The following CCND1 variants were observed in gnomAD, a reference collection of about 807,000 sequenced individuals.
The protein encoded by CCND1 is cyclin D1.
CCND1 carries 9 observed loss-of-function variants against 26.1 expected under a neutral mutation model. The observed-to-expected ratio is 0.35, with a 90% CI of 0.21 to 0.60. CCND1 has a LOEUF of 0.60. Ranked by LOEUF, CCND1 falls within the 20% of genes least tolerant of loss-of-function variation. The pLI is 0.79. For synonymous variants in CCND1, 194 were observed against 166.1 expected, an observed-to-expected ratio of 1.17 and a Z score of -1.29; for missense variants, 335 against 392.9, an observed-to-expected ratio of 0.85 and a Z score of 1.25.
chr11:69,654,304 G>A lies in CCND1; in HGVS notation c.*3022G>A, dbSNP rs182540344. 1.3e-4 allele frequency: 92 copies of A among 702,612 alleles called. 1 individual carries two copies. The highest frequency in any genetic ancestry group is 9.2e-4 in the Admixed American group (46 of 50,022). The allele number at this position is 702,612 out of a possible 1,614,324, so 43.5% of individuals were successfully genotyped here. A position where few individuals can be genotyped will look rare whatever the true frequency, so the allele number is the denominator to read the frequency against. ...TGGTGGCAAGTGCACGGGGCACAGC[G>A]GAGTCTGTCCTGTGACGCGCAAGTC... On this transcript the variant is annotated 3_prime_UTR_variant, in exon 5 of 5. Transcript: ENST00000227507. The surrounding 1 kb of genome is among the most constrained non-coding windows in gnomAD (Gnocchi z 6.3).
At chr11:69,644,245 G>A (rs3212866) in intron 3 of CCND1, 7,713 of 531,580 alleles carry the variant, frequency 0.015, 470 homozygotes, top group African/African-American at 0.13. Context: ...CAGCCTGCCT[G>A]TGTCCCGTTA....
chr11:69,646,394 G>C (rs1282455159), intron 3 of CCND1, among the ~76,000 whole-genome samples: 1 of 152,214 alleles, frequency 6.6e-6, no homozygotes, highest in East Asian at 1.9e-4. Context: ...CCTCGCCGGC[G>C]GCCCTCTCTT....
chr11:69,643,892 G>A lies in CCND1; in HGVS notation c.475G>A (p.Asp159Asn), dbSNP rs781118003. ...GAACCTGGCCGCAATGACCCCGCAC[G>A]ATTTCATTGAACACTTCCTCTCCAA... ...KWNLAAMTPH[D>N]FIEHFLSKMP... is the part of the protein sequence containing the mutation. Residue 159 changes from aspartate to asparagine, a missense_variant, in exon 3 of 5, where the codon GAT becomes AAT. Physicochemically the swap from Asp to Asn is conservative, Grantham distance 23 (BLOSUM62 1). Transcript: ENST00000227507. The A allele has an allele frequency of 3.1e-6, 5 of 1,613,646 alleles. No individual in the cohort carries two copies. Among genetic ancestry groups the A allele is most frequent in the Non-Finnish European group, 4.2e-6 (5 of 1,179,976 alleles).
At position 69,654,128 on chromosome 11, in the gene CCND1, C is replaced by T; in HGVS notation, c.*2846C>T. On this transcript the variant is annotated 3_prime_UTR_variant, in exon 5 of 5. Coordinates refer to ENST00000227507, the MANE Select transcript of CCND1 (RefSeq NM_053056.3). This position sits in a 1 kb window ranked among gnomAD's most constrained non-coding sequence, Gnocchi z 6.3. The stretch of plus-strand genomic sequence containing the variant: ...ATCTCGGGCACAGGCCCACCCCGCC[C>T]CACCCCTCCAGAACACGGCTCACGC... 1.5e-6 allele frequency: 1 copy of T among 670,144 alleles called. No individual in the cohort carries two copies. The highest frequency in any genetic ancestry group is 2.7e-6 in the Non-Finnish European group (1 of 367,518). 41.5% of individuals were successfully genotyped at this position (670,144 alleles called of 1,614,324 possible).
In CCND1 at chr11:69,654,196, G is replaced by A. The variant is rs189388457; in HGVS notation, c.*2914G>A. 1.9e-5 allele frequency: 13 copies of A among 688,188 alleles called. No individual in the cohort carries two copies. In the East Asian group the frequency reaches 2.2e-4, roughly 12 times the overall value. 42.6% of individuals were successfully genotyped at this position (688,188 alleles called of 1,614,324 possible). ...GCTGCGGCGTCTGTCTGAACCACGCGGGGGCCTTGAGGGACGCTTTGTCTG... is the reference window on the plus strand; with the variant it reads ...GCTGCGGCGTCTGTCTGAACCACGCAGGGGCCTTGAGGGACGCTTTGTCTG... On this transcript the variant is annotated 3_prime_UTR_variant, in exon 5 of 5. Transcript: ENST00000227507. The surrounding 1 kb of genome is among the most constrained non-coding windows in gnomAD (Gnocchi z 6.3).
At chr11:69,643,713 G>T in intron 2 of CCND1, 119 bp from the exon 3 acceptor site, 3 of 903,194 alleles carry the variant, frequency 3.3e-6, no homozygotes, top group East Asian at 5.3e-5. Context: ...CGCACGAGAC[G>T]CAGGGGCCAG....
chr11:69,648,272 C>T (rs1052492106), intron 4 of CCND1, 130 bp downstream of exon 4: 12 of 1,006,656 alleles, frequency 1.2e-5, no homozygotes, highest in African/African-American at 4.9e-5. Context: ...CTGGGCCCCT[C>T]GGACCCCAGG....
chr11:69,652,328 G>A lies in CCND1; in HGVS notation c.*1046G>A, dbSNP rs368481159. On this transcript the variant is annotated 3_prime_UTR_variant, in exon 5 of 5. Transcript: ENST00000227507. ...CAGTCCAATAGGTGTAGGAAATAGCGCTGTTTTTGTTGTGTGTGCAGGGAG... is the reference window on the plus strand; with the variant it reads ...CAGTCCAATAGGTGTAGGAAATAGCACTGTTTTTGTTGTGTGTGCAGGGAG... 24 of 233,538 alleles carry A rather than the reference G, an allele frequency of 1.0e-4. No homozygotes were observed. The highest frequency in any genetic ancestry group is 4.4e-4 in the African/African-American group (20 of 45,380). The allele number at this position is 233,538 out of a possible 1,614,324, so 14.5% of individuals were successfully genotyped here. A position where few individuals can be genotyped will look rare whatever the true frequency, so the allele number is the denominator to read the frequency against.
In CCND1 at chr11:69,653,235, C is replaced by G; in HGVS notation, c.*1953C>G. 1.4e-6 allele frequency: 1 copy of G among 700,852 alleles called. No individual in the cohort carries two copies. Among genetic ancestry groups the G allele is most frequent in the Non-Finnish European group, 2.6e-6 (1 of 384,302 alleles). The allele number at this position is 700,852 out of a possible 1,614,324, so 43.4% of individuals were successfully genotyped here. A position where few individuals can be genotyped will look rare whatever the true frequency, so the allele number is the denominator to read the frequency against. The stretch of plus-strand genomic sequence containing the variant: ...CGGGGACAGGCCGCAGCTCCATTTT[C>G]TTATTGCGCTGCTACCGTTGACTTC... On this transcript the variant is annotated 3_prime_UTR_variant, in exon 5 of 5. Transcript: ENST00000227507.
chr11:69,643,337 G>C, intron 2 of CCND1, 91 bp downstream of exon 2: 2 of 1,040,964 alleles, frequency 1.9e-6, no homozygotes, highest in Non-Finnish European at 2.8e-6. Context: ...CGGCCGGCCC[G>C]CCTCTGACAT....
At chr11:69,643,735 G>T in intron 2 of CCND1, 97 bp from the exon 3 acceptor site, 1 of 1,180,136 alleles carries the variant, frequency 8.5e-7, no homozygotes, top group East Asian at 2.5e-5. Flanking sequence ...GCTCTGAGCC[G>T]GAGGTGCGGC....
chr11:69,653,530 C>T lies in CCND1; in HGVS notation c.*2248C>T, dbSNP rs1035365934. 12 of 551,028 alleles carry T rather than the reference C, an allele frequency of 2.2e-5. No individual in the cohort carries two copies. The highest frequency in any genetic ancestry group is 1.6e-4 in the South Asian group (7 of 43,022). The allele number at this position is 551,028 out of a possible 1,614,324, so 34.1% of individuals were successfully genotyped here. On this transcript the variant is annotated 3_prime_UTR_variant, in exon 5 of 5. Coordinates refer to ENST00000227507, the MANE Select transcript of CCND1 (RefSeq NM_053056.3). ...CTTCACTTAGCCATGGTGGACCCAG[C>T]GGGCAGGTTCTGCCTGCTTTGGCGG...
At chr11:69,642,644 A>G (rs1855722194) in intron 1 of CCND1, among the ~76,000 whole-genome samples, 1 of 151,980 alleles carries the variant, frequency 6.6e-6, no homozygotes, top group African/African-American at 2.4e-5. Flanking sequence ...TGTGTCTCGC[A>G]GGCGCGGCGC....
At chr11:69,643,365 A>C (rs901542423) in intron 2 of CCND1, 119 bp downstream of exon 2, 9 of 761,326 alleles carry the variant, frequency 1.2e-5, no homozygotes, top group African/African-American at 1.1e-4. Flanking sequence ...CCTCCGAGGG[A>C]GGGCGGCCCC....
In CCND1 at chr11:69,644,196, G is replaced by A. The variant is rs113960138; in HGVS notation, c.574+205G>A. 40 of 610,956 alleles carry A rather than the reference G, an allele frequency of 6.5e-5. 1 individual carries two copies. The highest frequency in any genetic ancestry group is 5.7e-4 in the African/African-American group (31 of 54,756). 37.8% of individuals were successfully genotyped at this position (610,956 alleles called of 1,614,324 possible). A position where few individuals can be genotyped will look rare whatever the true frequency, so the allele number is the denominator to read the frequency against. ...GATGGAGGGAGATTTGCTCCCTCAC[G>A]GCCACCATGCAGTACCTTGGGCATT... On this transcript the variant is annotated intron_variant, in intron 3 of 4. Transcript: ENST00000227507.
chr11:69,646,916 G>A (rs1295193338), intron 3 of CCND1, among the ~76,000 whole-genome samples: 2 of 152,202 alleles, frequency 1.3e-5, no homozygotes, highest in East Asian at 3.9e-4. Flanking sequence ...CCCAGTATCT[G>A]GCAGTGACCA....
At chr11:69,644,050 T>G (rs963248615) in intron 3 of CCND1, 59 bp downstream of exon 3, 18 of 1,566,156 alleles carry the variant, frequency 1.1e-5, no homozygotes, top group Non-Finnish European at 1.6e-5. Flanking sequence ...TAGGTGACCC[T>G]GGCCGGCTTC....
rs1006889485 is a variant in CCND1 at position 69,652,007 on chromosome 11, AACAAACCATCCAGTG to A, written c.*741_*755del. On this transcript the variant is annotated 3_prime_UTR_variant, in exon 5 of 5. Coordinates refer to ENST00000227507, the MANE Select transcript of CCND1 (RefSeq NM_053056.3). ...CCTTTGCGCCTGTGACCACCACCCC[AACAAACCATCCAGTG>A]ACAAACCATCCAGTGGAGGTTTGTC... 2.6e-5 allele frequency: 6 copies of A among 233,182 alleles called. No homozygotes were observed. Among genetic ancestry groups the A allele is most frequent in the Admixed American group, 1.1e-4 (2 of 17,784 alleles). 14.4% of individuals were successfully genotyped at this position (233,182 alleles called of 1,614,324 possible). A position where few individuals can be genotyped will look rare whatever the true frequency, so the allele number is the denominator to read the frequency against.
chr11:69,643,010 A>C (rs1415353669), intron 1 of CCND1, 21 bp from the exon 2 acceptor site: 5 of 1,520,728 alleles, frequency 3.3e-6, no homozygotes. Context: ...GGCGGCGGTC[A>C]CGGGCCCCGT....
Sources: gnomAD v4.1 joint callset for allele counts (sites outside exome capture counted in the v4.1 genomes callset) on GRCh38, gnomAD v4.1.1 for gene constraint, Gnocchi (gnomAD v3.1) non-coding constraint, MANE v1.5 for transcripts, NCBI Gene and HGNC (gene_info 2026-07-23, HGNC 2026-07-21) for gene names.